NCOA3: variants seen among roughly 807,000 people sequenced by gnomAD.
The protein encoded by NCOA3 is nuclear receptor coactivator 3, also known as CBP-interacting protein.
In NCOA3, 51 loss-of-function variants were observed where a neutral mutation model predicts 158.8. The observed-to-expected ratio is 0.32, with a 90% CI of 0.26 to 0.41. NCOA3 has a LOEUF of 0.41. Ranked by LOEUF, NCOA3 falls within the 10% of genes least tolerant of loss-of-function variation. The pLI, the probability that NCOA3 is intolerant of heterozygous loss-of-function variation, is 1.00. For synonymous variants in NCOA3, 537 were observed against 592.4 expected, an observed-to-expected ratio of 0.91 and a Z score of 1.36; for missense variants, 1,510 against 1,746.6, an observed-to-expected ratio of 0.86 and a Z score of 2.41.
At chr20:47,625,614 A>T in intron 5 of NCOA3, 133 bp downstream of exon 5, 1 of 658,050 alleles carries the variant, frequency 1.5e-6, no homozygotes, top group African/African-American at 1.8e-5. Context: ...GAGACAGTTC[A>T]GTATTCTGAA....
intron 1 of NCOA3, among the ~76,000 whole-genome samples, chr20:47,531,329 C>T (rs568816548): frequency 2.0e-4 from 28 of 143,244 alleles, no homozygotes; most frequent in African/African-American, 6.1e-4. Flanking sequence ...GGCGACGGAG[C>T]GAGACTATCT....
intron 1 of NCOA3, among the ~76,000 whole-genome samples, chr20:47,522,217 C>A (rs894912895): frequency 4.0e-5 from 6 of 150,752 alleles, no homozygotes; most frequent in African/African-American, 1.5e-4. Context: ...ATTCTCCTGC[C>A]TCAGCCTCCG....
intron 1 of NCOA3, among the ~76,000 whole-genome samples, chr20:47,573,207 T>C (rs1340179290): frequency 6.6e-6 from 1 of 152,164 alleles, no homozygotes; most frequent in East Asian, 1.9e-4. Context: ...AAGACCAGCC[T>C]GACCAACATG....
At chr20:47,653,103 A>C in intron 22 of NCOA3, 31 bp downstream of exon 22, 1 of 1,612,184 alleles carries the variant, frequency 6.2e-7, no homozygotes, top group Non-Finnish European at 8.5e-7. Flanking sequence ...CTTTTTCAAA[A>C]AGTTTTTCTT....
At chr20:47,569,287 C>T (rs2146198008) in intron 1 of NCOA3, among the ~76,000 whole-genome samples, 1 of 151,856 alleles carries the variant, frequency 6.6e-6, no homozygotes. Flanking sequence ...GCAGATGTTG[C>T]AGTGAGCCAA....
At position 47,623,929 on chromosome 20, in the gene NCOA3, A is replaced by T; in HGVS notation, c.102A>T (p.Glu34Asp). The T allele has an allele frequency of 6.2e-7, 1 of 1,613,378 alleles. No individual in the cohort carries two copies. Among genetic ancestry groups the T allele is most frequent in the South Asian group, 1.1e-5 (1 of 90,932 alleles). The stretch of plus-strand genomic sequence containing the variant: ...CCCTTAGTCTTACCTGCAGTGGTGA[A>T]AAACGGAGACGGGAGCAGGAAAGTA... ...TPGQGLTCSG[E>D]KRRREQESKY... Residue 34 changes from glutamate (E) to aspartate (D), a missense_variant, in exon 4 of 23, where the codon GAA (glutamate) becomes GAT (aspartate). Physicochemically the swap from Glu to Asp is conservative, Grantham distance 45 (BLOSUM62 2). Transcript: ENST00000371998.
chr20:47,513,700 C>T (rs923244529), intron 1 of NCOA3, among the ~76,000 whole-genome samples: 8 of 128,484 alleles, frequency 6.2e-5, no homozygotes, highest in Middle Eastern at 5.9e-3. Flanking sequence ...CACTCCAGCC[C>T]GATGGAGCAA....
At chr20:47,557,963 T>C (rs1392286609) in intron 1 of NCOA3, among the ~76,000 whole-genome samples, 1 of 152,202 alleles carries the variant, frequency 6.6e-6, no homozygotes, top group Non-Finnish European at 1.5e-5. Context: ...GCAGGGTTGC[T>C]TCCTTCTGAA....
chr20:47,541,224 C>T (rs1329522720), intron 1 of NCOA3, among the ~76,000 whole-genome samples: 4 of 151,692 alleles, frequency 2.6e-5, no homozygotes, highest in African/African-American at 2.4e-5. Flanking sequence ...GAGTCATTGC[C>T]GAGGTCACTT....
intron 1 of NCOA3, among the ~76,000 whole-genome samples, chr20:47,544,502 T>C (rs551627000): frequency 1.9e-4 from 29 of 151,896 alleles, no homozygotes; most frequent in Non-Finnish European, 2.5e-4. Context: ...TAAAAAAATT[T>C]ATGAAGTTTG....
intron 1 of NCOA3, 128 bp downstream of exon 1, chr20:47,502,147 G>A: frequency 2.5e-6 from 1 of 397,552 alleles, no homozygotes; most frequent in East Asian, 3.6e-5. Flanking sequence ...TGAGGGGCGC[G>A]CCGGCCGGGG....
intron 1 of NCOA3, among the ~76,000 whole-genome samples, chr20:47,568,385 T>G (rs2085233269): frequency 6.6e-6 from 1 of 152,322 alleles, no homozygotes; most frequent in Non-Finnish European, 1.5e-5. Context: ...AAATGAATAT[T>G]GTGATAAAAT....
chr20:47,518,379 G>A (rs1359340846), intron 1 of NCOA3, among the ~76,000 whole-genome samples: 1 of 146,996 alleles, frequency 6.8e-6, no homozygotes, highest in Non-Finnish European at 1.5e-5. Context: ...GAAAAAAAAA[G>A]AAACATAATT....
chr20:47,537,098 C>T (rs910112884), intron 1 of NCOA3, among the ~76,000 whole-genome samples: 1 of 151,996 alleles, frequency 6.6e-6, no homozygotes, highest in Non-Finnish European at 1.5e-5. Flanking sequence ...CGTGAGCCAC[C>T]GCGCCCGGCC....
At chr20:47,525,717 C>A (rs1437203175) in intron 1 of NCOA3, among the ~76,000 whole-genome samples, 3 of 99,236 alleles carry the variant, frequency 3.0e-5, no homozygotes, top group Admixed American at 2.6e-4. Context: ...GGGGGGCTGA[C>A]CCCCCCACCT....
At chr20:47,575,758 A>G (rs1276096093) in intron 1 of NCOA3, among the ~76,000 whole-genome samples, 3 of 151,934 alleles carry the variant, frequency 2.0e-5, no homozygotes, top group Admixed American at 6.5e-5. Flanking sequence ...TTAAAATTCA[A>G]CTACCTATTG....
chr20:47,563,451 G>C (rs962067077), intron 1 of NCOA3, among the ~76,000 whole-genome samples: 8 of 152,080 alleles, frequency 5.3e-5, no homozygotes, highest in Non-Finnish European at 1.5e-5. Context: ...CTCAATTTTG[G>C]TGTGAACCTA....
In NCOA3 at chr20:47,636,153, C is replaced by T; in HGVS notation, c.1767C>T (p.Ser589=). 1.2e-6 allele frequency: 2 copies of T among 1,614,156 alleles called. No individual in the cohort carries two copies. Among genetic ancestry groups the T allele is most frequent in the Non-Finnish European group, 8.5e-7 (1 of 1,180,034 alleles). ...AGAGTTCAATGTGTCAGTCAAATAG[C>T]AGAGATCACCTCAGTGACAAAGAAA... is the stretch of plus-strand genomic sequence containing the variant. The part of the protein sequence containing the change: ...PVESSMCQSN[S]RDHLSDKESK... The change falls in exon 12 of 23, where the codon AGC becomes AGT. Residue 589 remains serine (S), a synonymous_variant. Coordinates refer to ENST00000371998, the MANE Select transcript of NCOA3 (RefSeq NM_181659.3).
chr20:47,533,104 CAAAAAAAAA>C (rs11344209), intron 1 of NCOA3, among the ~76,000 whole-genome samples: 4 of 39,708 alleles, frequency 1.0e-4, no homozygotes, highest in East Asian at 9.3e-4. Flanking sequence ...GACTCTGTCT[CAAAAAAAAA>C]AAAAAAAAAA....
Sources: gnomAD v4.1 joint callset for allele counts (sites outside exome capture counted in the v4.1 genomes callset) on GRCh38, gnomAD v4.1.1 for gene constraint, MANE v1.5 for transcripts, NCBI Gene and HGNC (gene_info 2026-07-23, HGNC 2026-07-21) for gene names.